The following IPO7 variants were observed in gnomAD, a reference collection of about 807,000 sequenced individuals.
IPO7 encodes importin-7.
In IPO7, 13 loss-of-function variants were observed where a neutral mutation model predicts 136.4. That is an observed-to-expected ratio of 0.10 (90% CI 0.06 to 0.15). IPO7 has a LOEUF of 0.15. Among genes scored for constraint, IPO7 ranks in the 10% least tolerant of loss-of-function variants. IPO7 has a pLI of 1.00. For missense variants in IPO7, 857 were observed against 1,240.6 expected, an observed-to-expected ratio of 0.69 and a Z score of 4.65; for synonymous variants, 403 against 404.4, an observed-to-expected ratio of 1.00 and a Z score of 0.04.
At chr11:9,401,561 T>TAA (rs11330854) in intron 1 of IPO7, among the ~76,000 whole-genome samples, 37 of 139,986 alleles carry the variant, frequency 2.6e-4, no homozygotes, top group Admixed American at 9.2e-4. Context: ...AACAAAAAAT[T>TAA]AAAAAAAAAA....
chr11:9,440,807 T>C, intron 23 of IPO7, 146 bp downstream of exon 23: 1 of 612,234 alleles, frequency 1.6e-6, no homozygotes, highest in Non-Finnish European at 2.9e-6. Context: ...ATTTCTAAGG[T>C]TGCCATAGTT....
At chr11:9,409,628 T>C (rs1483280320) in intron 3 of IPO7, among the ~76,000 whole-genome samples, 2 of 152,204 alleles carry the variant, frequency 1.3e-5, no homozygotes, top group African/African-American at 2.4e-5. Flanking sequence ...TCTTCCCGCC[T>C]GGGCCTCCCA....
chr11:9,408,431 TTTTCACAGTAC>T (rs1854918516), intron 2 of IPO7, 44 bp from the exon 3 acceptor site: 1 of 1,216,060 alleles, frequency 8.2e-7, no homozygotes, highest in Non-Finnish European at 1.1e-6. Context: ...ACTTGTGGGA[TTTTCACAGTAC>T]TTTCACAGTA....
intron 8 of IPO7, 33 bp downstream of exon 8, chr11:9,420,731 CAT>C: frequency 7.2e-7 from 1 of 1,385,538 alleles, no homozygotes; most frequent in Non-Finnish European, 1.0e-6. Context: ...TCAGTGGAAA[CAT>C]GGCATCTTTA....
At chr11:9,391,303 G>A (rs936162818) in intron 1 of IPO7, among the ~76,000 whole-genome samples, 1 of 152,052 alleles carries the variant, frequency 6.6e-6, no homozygotes, top group Non-Finnish European at 1.5e-5. Flanking sequence ...GGAGACTGAG[G>A]CAGGAGAATC....
At chr11:9,390,297 T>G (rs113372347) in intron 1 of IPO7, among the ~76,000 whole-genome samples, 1,708 of 147,198 alleles carry the variant, frequency 0.012, 8 homozygotes, top group Middle Eastern at 0.025. Context: ...GTGTGTGTGT[T>G]TTTTTTTTTT....
intron 2 of IPO7, among the ~76,000 whole-genome samples, chr11:9,404,295 C>T (rs1024200823): frequency 4.6e-5 from 7 of 151,858 alleles, no homozygotes; most frequent in African/African-American, 1.7e-4. Flanking sequence ...GAAACCCCGT[C>T]TCTACTAAAA....
At chr11:9,428,889 A>G in intron 13 of IPO7, 142 bp from the exon 14 acceptor site, 1 of 822,922 alleles carries the variant, frequency 1.2e-6, no homozygotes, top group Non-Finnish European at 2.2e-6. Context: ...TTGGGATCAT[A>G]GTACTGGTCT....
At chr11:9,392,284 TCTC>T (rs1854646542) in intron 1 of IPO7, 1 of 327,890 alleles carries the variant, frequency 3.0e-6, no homozygotes, top group South Asian at 2.3e-5. Context: ...TTCGGGCAAT[TCTC>T]CTGCCTCAGC....
At chr11:9,400,008 C>T (rs142286112) in intron 1 of IPO7, among the ~76,000 whole-genome samples, 19 of 152,286 alleles carry the variant, frequency 1.2e-4, no homozygotes, top group African/African-American at 4.1e-4. Flanking sequence ...TATCAAAATT[C>T]ATGGATGCTG....
At chr11:9,429,395 A>C (rs1855260949) in intron 14 of IPO7, among the ~76,000 whole-genome samples, 199 bp downstream of exon 14, 1 of 151,990 alleles carries the variant, frequency 6.6e-6, no homozygotes, top group African/African-American at 2.4e-5. Context: ...AGTGCCAGCT[A>C]CTTGGGAGTC....
At chr11:9,419,971 G>T (rs1236856125) in intron 6 of IPO7, among the ~76,000 whole-genome samples, 1 of 152,138 alleles carries the variant, frequency 6.6e-6, no homozygotes, top group African/African-American at 2.4e-5. Flanking sequence ...AAGCAGTGAG[G>T]ATGCCTCTTT....
Position 9,434,914 on chromosome 11 carries a change from G to C in IPO7, c.2075-20G>C, listed in dbSNP as rs371125751. On this transcript the variant is annotated intron_variant, in intron 18 of 24. Coordinates refer to ENST00000379719, the MANE Select transcript of IPO7 (RefSeq NM_006391.3). ...TTTGTGTTACTAAAGATGTGTAACCGATGTTTTTTATTAATACAGATATGA... is the reference window on the plus strand; with the variant it reads ...TTTGTGTTACTAAAGATGTGTAACCCATGTTTTTTATTAATACAGATATGA... 6.9e-7 allele frequency: 1 copy of C among 1,450,916 alleles called. No homozygotes were observed. Among genetic ancestry groups the C allele is most frequent in the Non-Finnish European group, 9.7e-7 (1 of 1,035,300 alleles). The allele number at this position is 1,450,916 out of a possible 1,614,324, so 89.9% of individuals were successfully genotyped here. A position where few individuals can be genotyped will look rare whatever the true frequency, so the allele number is the denominator to read the frequency against.
In IPO7 at chr11:9,447,612, A is replaced by G. The variant is rs895299972; in HGVS notation, c.*2418A>G. On this transcript the variant is annotated 3_prime_UTR_variant, in exon 25 of 25. Transcript: ENST00000379719. ...GGGACTTGTCTTTTTTTCTTTTTACATACAGCTTTTCCTACAGTTTTATTA... is the reference window on the plus strand; with the variant it reads ...GGGACTTGTCTTTTTTTCTTTTTACGTACAGCTTTTCCTACAGTTTTATTA... 4.6e-5 allele frequency: 7 copies of G among 152,142 alleles called. No individual in the cohort carries two copies. Among genetic ancestry groups the G allele is most frequent in the Non-Finnish European group, 1.0e-4 (7 of 68,018 alleles). 9.4% of individuals were successfully genotyped at this position (152,142 alleles called of 1,614,324 possible).
chr11:9,392,288 C>T (rs1180582283), intron 1 of IPO7: 1 of 322,812 alleles, frequency 3.1e-6, no homozygotes, highest in Non-Finnish European at 6.1e-6. Context: ...GGCAATTCTC[C>T]TGCCTCAGCC....
intron 8 of IPO7, 37 bp from the exon 9 acceptor site, chr11:9,422,969 T>G: frequency 7.2e-7 from 1 of 1,397,816 alleles, no homozygotes; most frequent in South Asian, 1.5e-5. Context: ...AAATTTCTAT[T>G]TGAACATTGA....
chr11:9,434,211 C>T (rs1005354560), intron 18 of IPO7, among the ~76,000 whole-genome samples: 2 of 152,180 alleles, frequency 1.3e-5, no homozygotes, highest in African/African-American at 4.8e-5. Flanking sequence ...GCATGAGCCA[C>T]TGCGCCTGGC....
Position 9,408,493 on chromosome 11 carries a change from C to T in IPO7, c.174C>T (p.Ile58=). The T allele has an allele frequency of 6.4e-7, 1 of 1,558,936 alleles. No homozygotes were observed. The highest frequency in any genetic ancestry group is 8.7e-7 in the Non-Finnish European group (1 of 1,155,968). Reference sequence around the variant, plus strand: ...AACTGATCTGTATTTTAGGTGTTATCTATCTGAAAAATATGATAACACAGT... The same window carrying T: ...AACTGATCTGTATTTTAGGTGTTATTTATCTGAAAAATATGATAACACAGT... ...LDLPVRQAGV[I]YLKNMITQYW... The change falls in exon 3 of 25, where the codon ATC becomes ATT. Residue 58 remains isoleucine (I), a synonymous_variant. Coordinates refer to ENST00000379719, the MANE Select transcript of IPO7 (RefSeq NM_006391.3).
intron 19 of IPO7, among the ~76,000 whole-genome samples, chr11:9,435,631 C>T (rs1247022186): frequency 6.6e-6 from 1 of 152,046 alleles, no homozygotes; most frequent in African/African-American, 2.4e-5. Context: ...TTTTTACTGC[C>T]AATTATATTA....
Sources: gnomAD v4.1 joint callset for allele counts (sites outside exome capture counted in the v4.1 genomes callset) on GRCh38, gnomAD v4.1.1 for gene constraint, MANE v1.5 for transcripts, NCBI Gene and HGNC (gene_info 2026-07-23, HGNC 2026-07-21) for gene names.